Variants in FAM149A observed in about 807,000 individuals in gnomAD.
FAM149A encodes family with sequence similarity 149 member A, also known as protein FAM149A.
A neutral mutation model predicts 78.2 loss-of-function variants in FAM149A; 71 were observed. The observed-to-expected ratio is 0.91, with a 90% CI of 0.75 to 1.11. FAM149A has a LOEUF of 1.11. Among genes scored for constraint, FAM149A ranks in the 50% least tolerant of loss-of-function variants. FAM149A has a pLI of 0.00. For missense variants in FAM149A, 1,036 were observed against 971.0 expected (o/e 1.07, Z -0.89); for synonymous variants, 446 against 410.5 (o/e 1.09, Z -1.04).
rs1734276381 is a variant in FAM149A, at chr4:186,158,725, C to T, written c.1575+1006C>T. The T allele has an allele frequency of 3.9e-6, 4 of 1,024,472 alleles. No individual in the cohort carries two copies. In the South Asian group the frequency reaches 1.2e-4, roughly 32 times the overall value. The allele number at this position is 1,024,472 out of a possible 1,614,324, so 63.5% of individuals were successfully genotyped here. On this transcript the variant is annotated intron_variant, in intron 8 of 13. Coordinates refer to ENST00000389354, the MANE Select transcript of FAM149A (RefSeq NM_001367768.3). The stretch of plus-strand genomic sequence containing the variant: ...AGACTGCTCTGAAGGTGCAGGTACC[C>T]CCTGTGCCTATTCAGCCGTCCCTAC...
chr4:186,149,442 T>C, intron 2 of FAM149A, 124 bp from the exon 3 acceptor site: 1 of 1,108,484 alleles, frequency 9.0e-7, no homozygotes, highest in Non-Finnish European at 1.2e-6. Context: ...AAAATTAGTA[T>C]ACTGTGAAAT....
At chr4:186,105,955 A>G (rs982592811) in intron 1 of FAM149A, among the ~76,000 whole-genome samples, 1 of 152,120 alleles carries the variant, frequency 6.6e-6, no homozygotes, top group African/African-American at 2.4e-5. Context: ...TGGTTTTCTT[A>G]AGGACTTTTT....
intron 8 of FAM149A, among the ~76,000 whole-genome samples, chr4:186,160,104 A>G (rs564562556): frequency 7.2e-6 from 1 of 138,312 alleles, no homozygotes; most frequent in East Asian, 2.3e-4. Flanking sequence ...TACACACTAC[A>G]CACACCACGC....
rs375899463 is a variant in FAM149A, at chr4:186,105,075, G to A, written c.-2G>A. ...CGAGGACGGCGTGTCCACTGTCGAGGCATGAAGGCTGCTGTGCTGGACCTT... is the reference window on the plus strand; with the variant it reads ...CGAGGACGGCGTGTCCACTGTCGAGACATGAAGGCTGCTGTGCTGGACCTT... On this transcript the variant is annotated 5_prime_UTR_variant, in exon 1 of 14. Transcript: ENST00000389354. 8.3e-5 allele frequency: 106 copies of A among 1,273,158 alleles called. 2 individuals carry two copies. The East Asian group carries it at 4.2e-3, about 50-fold the overall frequency. The allele number at this position is 1,273,158 out of a possible 1,614,324, so 78.9% of individuals were successfully genotyped here.
chr4:186,126,903 A>G lies in FAM149A; in HGVS notation c.566+21261A>G, dbSNP rs77464050. ...AGGAAGAGACACTTGCTCTTTATAAATGGGCGGTGTATCACAATTCTGTGG... is the reference window on the plus strand; with the variant it reads ...AGGAAGAGACACTTGCTCTTTATAAGTGGGCGGTGTATCACAATTCTGTGG... On this transcript the variant is annotated intron_variant, in intron 1 of 13. Coordinates refer to ENST00000389354, the MANE Select transcript of FAM149A (RefSeq NM_001367768.3). 3,849 of 985,292 alleles carry G rather than the reference A, an allele frequency of 3.9e-3. 124 individuals carry two copies. The African/African-American group carries it at 0.063, about 16-fold the overall frequency. The allele number at this position is 985,292 out of a possible 1,614,324, so 61.0% of individuals were successfully genotyped here.
chr4:186,173,418 T>C lies in FAM149A; in HGVS notation c.*1431T>C, dbSNP rs1233697591. 3.6e-5 allele frequency among the ~76,000 whole-genome samples: 4 copies of C among 111,384 alleles called. 2 individuals are homozygous for C. The highest frequency in any genetic ancestry group is 3.5e-4 in the Admixed American group (4 of 11,360). 73.1% of individuals were successfully genotyped at this position (111,384 alleles called of 152,430 possible). A position where few individuals can be genotyped will look rare whatever the true frequency, so the allele number is the denominator to read the frequency against. On this transcript the variant is annotated 3_prime_UTR_variant, in exon 14 of 14. Transcript: ENST00000389354. ...CCCCGGCTGGAGTGCAGTGGCACGATCTCGGCTCACTACAACCTCCACCTC... is the reference window on the plus strand; with the variant it reads ...CCCCGGCTGGAGTGCAGTGGCACGACCTCGGCTCACTACAACCTCCACCTC...
intron 1 of FAM149A, among the ~76,000 whole-genome samples, chr4:186,112,176 C>T (rs1460990339): frequency 1.3e-5 from 2 of 148,626 alleles, no homozygotes; most frequent in Non-Finnish European, 3.0e-5. Flanking sequence ...TGGGAGTTCA[C>T]TCATGATTTG....
chr4:186,105,136 G>C lies in FAM149A; in HGVS notation c.60G>C (p.Thr20=). ...TGGCCAAACTCTTCGAGACCTCGAC[G>C]GCGCCCCCCGCAGGCCCCTCCTCCA... is the stretch of plus-strand genomic sequence containing the variant. The change falls in exon 1 of 14, where the codon ACG becomes ACC. Residue 20 remains threonine (T), a synonymous_variant. Transcript: ENST00000389354. 5 of 1,280,516 alleles carry C rather than the reference G, an allele frequency of 3.9e-6. No homozygotes were observed. The highest frequency in any genetic ancestry group is 5.1e-6 in the Non-Finnish European group (5 of 985,042). 79.3% of individuals were successfully genotyped at this position (1,280,516 alleles called of 1,614,324 possible).
chr4:186,139,529 A>G (rs2099324940), intron 1 of FAM149A, among the ~76,000 whole-genome samples: 1 of 152,156 alleles, frequency 6.6e-6, no homozygotes, highest in Non-Finnish European at 1.5e-5. Flanking sequence ...CCATCTAGGA[A>G]GCATGGAGCC....
chr4:186,144,814 A>C lies in FAM149A; in HGVS notation c.567-4359A>C, dbSNP rs1477013677. On this transcript the variant is annotated intron_variant, in intron 1 of 13. Coordinates refer to ENST00000389354, the MANE Select transcript of FAM149A (RefSeq NM_001367768.3). The surrounding 1 kb of genome is among the most constrained non-coding windows in gnomAD (Gnocchi z 4.2). ...GCGAGGGCGCAGCGCAGGGAGGAGG[A>C]GGGGAGGCGGCGCCGGCGCGGGCGG... 1.0e-6 allele frequency: 1 copy of C among 976,538 alleles called. No individual in the cohort carries two copies. The highest frequency in any genetic ancestry group is 1.2e-6 in the Non-Finnish European group (1 of 826,126). The allele number at this position is 976,538 out of a possible 1,614,324, so 60.5% of individuals were successfully genotyped here. A position where few individuals can be genotyped will look rare whatever the true frequency, so the allele number is the denominator to read the frequency against.
At position 186,160,129 on chromosome 4, in the gene FAM149A, CCAAA is replaced by C. The variant is rs1031412255; in HGVS notation, c.1575+2413_1575+2416del. 9.7e-5 allele frequency among the ~76,000 whole-genome samples: 14 copies of C among 144,978 alleles called. No individual in the cohort carries two copies. In the East Asian group the frequency reaches 1.7e-3, roughly 17 times the overall value. On this transcript the variant is annotated intron_variant, in intron 8 of 13. Coordinates refer to ENST00000389354, the MANE Select transcript of FAM149A (RefSeq NM_001367768.3). Reference sequence around the variant, plus strand: ...ACACACCACGCACACACACCACACACCAAACACATACCACATACACACACTACAC... The same window carrying C: ...ACACACCACGCACACACACCACACACCACATACCACATACACACACTACAC...
At chr4:186,147,001 G>A (rs1733102747) in intron 1 of FAM149A, 1 of 984,118 alleles carries the variant, frequency 1.0e-6, no homozygotes. Context: ...AAGTTAAAAT[G>A]TGAAAAGATC....
Position 186,175,255 on chromosome 4 carries a change from C to T in FAM149A, c.*3268C>T, listed in dbSNP as rs1735679436. On this transcript the variant is annotated 3_prime_UTR_variant, in exon 14 of 14. Transcript: ENST00000389354. ...AGATCATTGTGTAGGATTTTTGATT[C>T]CTTAATTTCTAATAAAATATAAAAG... Among the ~76,000 whole-genome samples the T allele has an allele frequency of 9.1e-6, 1 of 110,008 alleles. No individual in the cohort carries two copies. Among genetic ancestry groups the T allele is most frequent in the African/African-American group, 2.8e-5 (1 of 35,436 alleles). The allele number at this position is 110,008 out of a possible 152,430, so 72.2% of individuals were successfully genotyped here. A position where few individuals can be genotyped will look rare whatever the true frequency, so the allele number is the denominator to read the frequency against.
intron 1 of FAM149A, among the ~76,000 whole-genome samples, chr4:186,138,309 TG>T (rs2099324371): frequency 6.6e-6 from 1 of 152,156 alleles, no homozygotes; most frequent in Non-Finnish European, 1.5e-5. Flanking sequence ...TAGGCTCACG[TG>T]ATTGTGGAGG....
At chr4:186,138,533 C>T (rs1208223530) in intron 1 of FAM149A, among the ~76,000 whole-genome samples, 1 of 152,182 alleles carries the variant, frequency 6.6e-6, no homozygotes, top group Non-Finnish European at 1.5e-5. Context: ...TCCTCTCCTC[C>T]AGGGTCCACT....
At chr4:186,124,211 G>C (rs1339845006) in intron 1 of FAM149A, 10 of 985,264 alleles carry the variant, frequency 1.0e-5, no homozygotes, top group Non-Finnish European at 1.1e-5. Flanking sequence ...GAGGCAGAGG[G>C]TGGGTTGGCT....
chr4:186,143,011 T>A (rs1561399326), intron 1 of FAM149A, among the ~76,000 whole-genome samples: 1 of 152,190 alleles, frequency 6.6e-6, no homozygotes, highest in Non-Finnish European at 1.5e-5. Context: ...TCAGTATTTT[T>A]ATCAACAAAA....
chr4:186,105,405 C>T lies in FAM149A; in HGVS notation c.329C>T (p.Pro110Leu), dbSNP rs2099308355. 8.4e-7 allele frequency: 1 copy of T among 1,185,566 alleles called. No individual in the cohort carries two copies. The highest frequency in any genetic ancestry group is 1.1e-6 in the Non-Finnish European group (1 of 945,696). 73.4% of individuals were successfully genotyped at this position (1,185,566 alleles called of 1,614,324 possible). Residue 110 changes from proline to leucine, a missense_variant, in exon 1 of 14, where the codon CCC (proline) becomes CTC (leucine). Physicochemically the swap from Pro to Leu is moderately conservative, Grantham distance 98. This residue lies in a region of FAM149A where 316 missense variants were observed against 241.9 expected (regional missense o/e 1.31). Transcript: ENST00000389354. ...AGAGCGGGTAAAGCCCCGCCCCAGC[C>T]CCCCACTCCCTCCGGCGGGGGCTGC... is the stretch of plus-strand genomic sequence containing the variant.
chr4:186,157,128 A>C (rs1271964883), intron 7 of FAM149A, among the ~76,000 whole-genome samples: 2 of 148,768 alleles, frequency 1.3e-5, no homozygotes, highest in African/African-American at 4.9e-5. Context: ...AAATGTAAAC[A>C]TTGCTAATTG....
Sources: gnomAD v4.1 joint callset for allele counts (sites outside exome capture counted in the v4.1 genomes callset) on GRCh38, gnomAD v4.1.1 for gene constraint, gnomAD v4.1.1 regional missense constraint, Gnocchi (gnomAD v3.1) non-coding constraint, MANE v1.5 for transcripts, NCBI Gene and HGNC (gene_info 2026-07-23, HGNC 2026-07-21) for gene names.